The following MYRFL variants were observed in gnomAD, a reference collection of about 807,000 sequenced individuals.
MYRFL encodes the protein myelin regulatory factor like, also known as myelin regulatory factor-like protein.
Under a neutral mutation model 109.4 loss-of-function variants are expected in MYRFL, and 88 were observed. The ratio of observed to expected loss-of-function variants is 0.80; its 90% CI spans 0.68 to 0.96. MYRFL has a LOEUF of 0.96. Ranked by LOEUF, MYRFL falls within the 40% of genes least tolerant of loss-of-function variation. The pLI is 0.00. For synonymous variants in MYRFL, 324 were observed against 320.9 expected, an observed-to-expected ratio of 1.01 and a Z score of -0.10; for missense variants, 957 against 954.9, an observed-to-expected ratio of 1.00 and a Z score of -0.03.
At chr12:69,918,304 C>T (rs940402478) in intron 13 of MYRFL, among the ~76,000 whole-genome samples, 3 of 152,058 alleles carry the variant, frequency 2.0e-5, no homozygotes, top group African/African-American at 7.2e-5. Flanking sequence ...CAAAAAGAAC[C>T]AAAGAACCGA....
rs1277296623 is a variant in MYRFL, at chr12:69,891,682, T to TTTCTTTCGTTCGTTCG, written c.903+519_903+520insTTTCGTTCGTTCGTTC. Among the ~76,000 whole-genome samples the TTTCTTTCGTTCGTTCG allele has an allele frequency of 5.9e-5, 6 of 101,558 alleles. 1 individual carries two copies. Among genetic ancestry groups the TTTCTTTCGTTCGTTCG allele is most frequent in the East Asian group, 2.8e-4 (1 of 3,622 alleles). 66.6% of individuals were successfully genotyped at this position (101,558 alleles called of 152,430 possible). The stretch of plus-strand genomic sequence containing the variant: ...CTTTCTTTCTTTCTTTCTTTCTTTC[T>TTTCTTTCGTTCGTTCG]TTCGTTCGTTCGTTCTTTCTTTCTT... On this transcript the variant is annotated intron_variant, in intron 7 of 24. Coordinates refer to ENST00000552032, the MANE Select transcript of MYRFL (RefSeq NM_182530.3).
intron 9 of MYRFL, among the ~76,000 whole-genome samples, chr12:69,895,759 T>G (rs899954996): frequency 1.3e-5 from 2 of 152,210 alleles, no homozygotes; most frequent in African/African-American, 4.8e-5. Flanking sequence ...AGTGACCACA[T>G]GTTTATATCT....
At chr12:69,936,398 C>T in intron 18 of MYRFL, 55 bp from the exon 19 acceptor site, 1 of 1,531,462 alleles carries the variant, frequency 6.5e-7, no homozygotes, top group Non-Finnish European at 8.7e-7. Flanking sequence ...CAGAAGAAAC[C>T]AGCCTTTCAG....
intron 2 of MYRFL, among the ~76,000 whole-genome samples, chr12:69,875,772 C>T (rs554075224): frequency 9.9e-5 from 15 of 152,248 alleles, no homozygotes; most frequent in African/African-American, 3.6e-4. Context: ...AGTTTCATCC[C>T]GAAACCATCC....
chr12:69,949,596 G>A (rs987929859), intron 19 of MYRFL, among the ~76,000 whole-genome samples: 1 of 151,902 alleles, frequency 6.6e-6, no homozygotes. Flanking sequence ...GGCTTTGAAT[G>A]TGGCCCAGCA....
intron 11 of MYRFL, among the ~76,000 whole-genome samples, chr12:69,907,725 G>T (rs1232124142): frequency 6.6e-6 from 1 of 152,036 alleles, no homozygotes; most frequent in Non-Finnish European, 1.5e-5. Flanking sequence ...CAGACACTTT[G>T]CTCGGTACTG....
intron 7 of MYRFL, among the ~76,000 whole-genome samples, chr12:69,891,620 TTTC>T (rs2136338834): frequency 8.5e-6 from 1 of 117,758 alleles, no homozygotes; most frequent in African/African-American, 4.1e-5. Flanking sequence ...TCTTTCTTTC[TTTC>T]CTCCTTCCTT....
At chr12:69,887,989 C>T (rs976871655) in intron 6 of MYRFL, among the ~76,000 whole-genome samples, 7 of 152,104 alleles carry the variant, frequency 4.6e-5, no homozygotes, top group African/African-American at 7.2e-5. Context: ...ATATGAGCAC[C>T]GAGGTATGAA....
chr12:69,875,866 T>G (rs1485955097), intron 2 of MYRFL, among the ~76,000 whole-genome samples: 1 of 152,242 alleles, frequency 6.6e-6, no homozygotes, highest in Admixed American at 6.5e-5. Context: ...GAGTAGTTTT[T>G]GTACCTGGAC....
intron 2 of MYRFL, among the ~76,000 whole-genome samples, chr12:69,877,031 T>TTCTTTC (rs1565988332): frequency 6.2e-5 from 2 of 32,452 alleles, no homozygotes; most frequent in African/African-American, 9.1e-5. Flanking sequence ...TTCTTTTTTT[T>TTCTTTC]TTTTTTTTTT....
rs1199107931 is a variant in MYRFL at position 69,952,158 on chromosome 12, C to G, written c.2270C>G (p.Pro757Arg). 3 of 1,535,982 alleles carry G rather than the reference C, an allele frequency of 2.0e-6. No individual in the cohort carries two copies. The African/African-American group carries it at 4.1e-5, about 21-fold the overall frequency. ...SVLARNALSG[P>R]DWESDWIDTT... Reference sequence around the variant, plus strand: ...TTGGCAAGAAATGCACTCAGCGGCCCTGACTGGGAGAGTGACTGTAAGTTG... The same window carrying G: ...TTGGCAAGAAATGCACTCAGCGGCCGTGACTGGGAGAGTGACTGTAAGTTG... Residue 757 changes from proline (P) to arginine (R), a missense_variant, in exon 20 of 25, where the codon CCT becomes CGT. Pro to Arg is a moderately radical substitution (Grantham distance 103, BLOSUM62 -2). Transcript: ENST00000552032.
chr12:69,902,896 C>T (rs772338603), intron 10 of MYRFL, among the ~76,000 whole-genome samples: 1 of 152,172 alleles, frequency 6.6e-6, no homozygotes, highest in Non-Finnish European at 1.5e-5. Context: ...TAAGCAATGC[C>T]GTGAAACAGG....
At chr12:69,914,266 CT>C (rs1228951429) in intron 13 of MYRFL, among the ~76,000 whole-genome samples, 1 of 151,742 alleles carries the variant, frequency 6.6e-6, no homozygotes, top group East Asian at 1.9e-4. Context: ...TTTAGAGGTC[CT>C]TTTTTTGAAG....
intron 19 of MYRFL, among the ~76,000 whole-genome samples, chr12:69,947,577 A>G (rs1314903265): frequency 6.6e-6 from 1 of 152,216 alleles, no homozygotes; most frequent in African/African-American, 2.4e-5. Context: ...AGATTTAAGT[A>G]GACAGGAGAG....
At chr12:69,861,851 A>G (rs1300776012) in intron 2 of MYRFL, among the ~76,000 whole-genome samples, 1 of 151,338 alleles carries the variant, frequency 6.6e-6, no homozygotes, top group Non-Finnish European at 1.5e-5. Flanking sequence ...GGTAATGCCT[A>G]GGTTTTCTTC....
chr12:69,911,430 G>A (rs1674565), intron 13 of MYRFL, among the ~76,000 whole-genome samples: 1 of 152,094 alleles, frequency 6.6e-6, no homozygotes, highest in Non-Finnish European at 1.5e-5. Flanking sequence ...TTGATGAAAC[G>A]GTGTTTGACT....
At chr12:69,826,084 A>G (rs1308520648) in intron 1 of MYRFL, among the ~76,000 whole-genome samples, 3 of 152,056 alleles carry the variant, frequency 2.0e-5, no homozygotes, top group Non-Finnish European at 2.9e-5. Flanking sequence ...CAAATAATAT[A>G]TATTTAAAAG....
rs79354948 is a variant in MYRFL at position 69,893,690 on chromosome 12, G to A, written c.904-74G>A. The A allele has an allele frequency of 8.1e-3, 7,750 of 954,132 alleles. 54 individuals are homozygous for A. Among genetic ancestry groups the A allele is most frequent in the Non-Finnish European group, 9.3e-3 (6,563 of 705,592 alleles). 59.1% of individuals were successfully genotyped at this position (954,132 alleles called of 1,614,324 possible). On this transcript the variant is annotated intron_variant, in intron 7 of 24. Transcript: ENST00000552032. Reference sequence around the variant, plus strand: ...GATGATGCCTTGAAAAGCTTTTTAAGTACTTGAACATTCTTTGCTGATTAA... The same window carrying A: ...GATGATGCCTTGAAAAGCTTTTTAAATACTTGAACATTCTTTGCTGATTAA...
intron 2 of MYRFL, among the ~76,000 whole-genome samples, chr12:69,869,861 T>C (rs984799238): frequency 1.1e-4 from 17 of 152,084 alleles, no homozygotes; most frequent in African/African-American, 4.1e-4. Context: ...ATGAAAGAAA[T>C]ACTGGCTGCA....
Sources: allele counts gnomAD v4.1 joint callset (sites outside exome capture counted in the v4.1 genomes callset), GRCh38; gene constraint gnomAD v4.1.1; transcripts MANE v1.5; gene names NCBI Gene and HGNC (gene_info 2026-07-23, HGNC 2026-07-21).